The following NEDD4L variants were observed in gnomAD, a reference collection of about 807,000 sequenced individuals.
The protein encoded by NEDD4L is NEDD4 like E3 ubiquitin protein ligase.
A neutral mutation model predicts 148.9 loss-of-function variants in NEDD4L; 54 were observed. The observed-to-expected ratio is 0.36, with a 90% CI of 0.29 to 0.45. NEDD4L has a LOEUF of 0.45. NEDD4L is among the 20% of genes least tolerant of loss of function. NEDD4L has a pLI of 1.00. For missense variants in NEDD4L, 856 were observed against 1,233.8 expected (o/e 0.69, Z 4.59); for synonymous variants, 433 against 440.7 (o/e 0.98, Z 0.22).
chr18:58,181,200 C>A (rs56366530), intron 2 of NEDD4L, among the ~76,000 whole-genome samples: 20,707 of 152,114 alleles, frequency 0.14, 1,731 homozygotes, highest in Middle Eastern at 0.24. Flanking sequence ...TTATTTCTTT[C>A]TTTTCTGTTA....
intron 1 of NEDD4L, chr18:58,046,880 C>G (rs1330582436): frequency 6.6e-6 from 1 of 152,192 alleles, no homozygotes; most frequent in Non-Finnish European, 1.5e-5. Flanking sequence ...AGCCGTCTTC[C>G]TTTTTCAACT....
chr18:58,171,551 C>G (rs184705146), intron 2 of NEDD4L, among the ~76,000 whole-genome samples: 13 of 152,252 alleles, frequency 8.5e-5, no homozygotes, highest in African/African-American at 3.1e-4. Flanking sequence ...TTGGGAGGCT[C>G]AGAGGCTCCA....
chr18:58,092,028 A>G (rs2084101779), intron 1 of NEDD4L, among the ~76,000 whole-genome samples: 1 of 152,220 alleles, frequency 6.6e-6, no homozygotes, highest in Non-Finnish European at 1.5e-5. Flanking sequence ...TGACTCTGTT[A>G]TTCCACATAT....
chr18:58,374,632 T>G (rs962359838), intron 24 of NEDD4L, among the ~76,000 whole-genome samples: 1 of 151,876 alleles, frequency 6.6e-6, no homozygotes, highest in Non-Finnish European at 1.5e-5. Context: ...AGAGTACTGG[T>G]GTCTCCAGCC....
chr18:58,374,978 A>C (rs1206715126), intron 24 of NEDD4L, among the ~76,000 whole-genome samples: 2 of 151,466 alleles, frequency 1.3e-5, no homozygotes, highest in African/African-American at 4.9e-5. Flanking sequence ...GGCCTCCTCA[A>C]CTGCTTCTCC....
chr18:58,385,419 T>G lies in NEDD4L; in HGVS notation c.2427-107T>G, dbSNP rs1008711584. The G allele has an allele frequency of 4.5e-6, 4 of 885,410 alleles. No individual in the cohort carries two copies. The South Asian group carries it at 5.3e-5, about 12-fold the overall frequency. 54.8% of individuals were successfully genotyped at this position (885,410 alleles called of 1,614,324 possible). A position where few individuals can be genotyped will look rare whatever the true frequency, so the allele number is the denominator to read the frequency against. On this transcript the variant is annotated intron_variant, in intron 25 of 30. Coordinates refer to ENST00000400345, the MANE Select transcript of NEDD4L (RefSeq NM_001144967.3). ...TGGGGGCACAGAGGAGACCCTCCCC[T>G]CTGCTCTGCTGTCGTGGATGGAGGA...
chr18:58,306,775 G>A (rs560008996), intron 5 of NEDD4L, among the ~76,000 whole-genome samples: 80 of 152,126 alleles, frequency 5.3e-4, no homozygotes, highest in African/African-American at 1.8e-3. Flanking sequence ...ACAGGCAACC[G>A]CCACCACGCC....
chr18:58,161,418 C>T (rs774601778), intron 1 of NEDD4L, among the ~76,000 whole-genome samples: 4 of 141,444 alleles, frequency 2.8e-5, no homozygotes, highest in South Asian at 2.2e-4. Flanking sequence ...TTAATATTTC[C>T]GTGTTTTTTT....
In NEDD4L at chr18:58,256,186, C is replaced by T. The variant is rs2048527671; in HGVS notation, c.297+4132C>T. On this transcript the variant is annotated intron_variant, in intron 5 of 30. Transcript: ENST00000400345. The surrounding 1 kb of genome is among the most constrained non-coding windows in gnomAD (Gnocchi z 5.2). ...TGCGGTGCTCCGGCCCCGTGGACTG[C>T]GCGGAGGAGGCTGCCCCGGGCCTGC... 4.1e-6 allele frequency: 5 copies of T among 1,217,436 alleles called. No homozygotes were observed. Among genetic ancestry groups the T allele is most frequent in the Non-Finnish European group, 5.1e-6 (5 of 979,000 alleles). 75.4% of individuals were successfully genotyped at this position (1,217,436 alleles called of 1,614,324 possible).
intron 2 of NEDD4L, chr18:58,195,422 C>G: frequency 2.3e-6 from 3 of 1,300,112 alleles, no homozygotes; most frequent in East Asian, 4.9e-5. Context: ...AATTTGCTCC[C>G]GATTCGAGAG....
At chr18:58,156,030 G>T (rs572222543) in intron 1 of NEDD4L, among the ~76,000 whole-genome samples, 1 of 152,314 alleles carries the variant, frequency 6.6e-6, no homozygotes, top group African/African-American at 2.4e-5. Flanking sequence ...CTTCCCAGCT[G>T]GTGATTTGGT....
At position 58,351,064 on chromosome 18, in the gene NEDD4L, G is replaced by A; in HGVS notation, c.1708+19G>A. ...GATCATAGTAAGTAGGCGCTGTTATGGACACACAGGTGTTGTGGGTTAGAG... is the reference window on the plus strand; with the variant it reads ...GATCATAGTAAGTAGGCGCTGTTATAGACACACAGGTGTTGTGGGTTAGAG... On this transcript the variant is annotated intron_variant, in intron 18 of 30. Transcript: ENST00000400345. 1.3e-6 allele frequency: 2 copies of A among 1,575,032 alleles called. No individual in the cohort carries two copies. The highest frequency in any genetic ancestry group is 1.7e-6 in the Non-Finnish European group (2 of 1,158,106).
At position 58,341,056 on chromosome 18, in the gene NEDD4L, C is replaced by A. The variant is rs1002690517; in HGVS notation, c.1144C>A (p.His382Asn). 6.2e-7 allele frequency: 1 copy of A among 1,610,072 alleles called. No homozygotes were observed. The highest frequency in any genetic ancestry group is 1.3e-5 in the African/African-American group (1 of 74,870). The change falls in exon 14 of 31, where the codon CAT (histidine) becomes AAT (asparagine). Residue 382 changes from histidine to asparagine, a missense_variant. This residue lies in a region of NEDD4L where 367 missense variants were observed against 422.7 expected (regional missense o/e 0.87). Coordinates refer to ENST00000400345, the MANE Select transcript of NEDD4L (RefSeq NM_001144967.3). ...EEPTPSVAYV[H>N]TTPGLPSGWE... Reference sequence around the variant, plus strand: ...CAAACAGCCATCAGTGGCCTATGTACATACCACGCCGGGTCTGCCTTCAGG... The same window carrying A: ...CAAACAGCCATCAGTGGCCTATGTAAATACCACGCCGGGTCTGCCTTCAGG...
chr18:58,221,086 G>GT (rs889412778), intron 2 of NEDD4L, among the ~76,000 whole-genome samples: 8 of 152,090 alleles, frequency 5.3e-5, no homozygotes, highest in African/African-American at 1.7e-4. Context: ...TTTTGTTCCT[G>GT]TTTTTTTCCC....
At chr18:58,364,756 T>C (rs989128193) in intron 20 of NEDD4L, among the ~76,000 whole-genome samples, 1 of 152,238 alleles carries the variant, frequency 6.6e-6, no homozygotes, top group African/African-American at 2.4e-5. Context: ...CTACAGTATT[T>C]ATAATATAGT....
At chr18:58,364,659 A>G (rs1463103031) in intron 20 of NEDD4L, among the ~76,000 whole-genome samples, 3 of 152,192 alleles carry the variant, frequency 2.0e-5, no homozygotes, top group African/African-American at 4.8e-5. Context: ...CTATTCAATT[A>G]TGCGCAGTTA....
intron 30 of NEDD4L, among the ~76,000 whole-genome samples, chr18:58,395,701 C>A (rs930001107): frequency 6.6e-6 from 1 of 152,104 alleles, no homozygotes; most frequent in African/African-American, 2.4e-5. Flanking sequence ...CCAGGAGCTC[C>A]TGTGCAGAAT....
intron 1 of NEDD4L, among the ~76,000 whole-genome samples, chr18:58,141,023 C>A (rs1038143605): frequency 6.6e-6 from 1 of 152,180 alleles, no homozygotes. Context: ...CAGAAGCCAG[C>A]GCCAGGCCTG....
chr18:58,132,000 C>G (rs2032225083), intron 1 of NEDD4L, among the ~76,000 whole-genome samples: 1 of 152,082 alleles, frequency 6.6e-6, no homozygotes, highest in African/African-American at 2.4e-5. Flanking sequence ...AAAGCAGGTC[C>G]CCTTGCTCCT....
Sources: gnomAD v4.1 joint callset for allele counts (sites outside exome capture counted in the v4.1 genomes callset) on GRCh38, gnomAD v4.1.1 for gene constraint, gnomAD v4.1.1 regional missense constraint, Gnocchi (gnomAD v3.1) non-coding constraint, MANE v1.5 for transcripts, NCBI Gene and HGNC (gene_info 2026-07-23, HGNC 2026-07-21) for gene names.